The following PER2 variants were observed in gnomAD, a reference collection of about 807,000 sequenced individuals.
The protein encoded by PER2 is period circadian protein homolog 2.
In PER2, 66 loss-of-function variants were observed where a neutral mutation model predicts 121.0. That is an observed-to-expected ratio of 0.55 (90% CI 0.45 to 0.67). The LOEUF (loss-of-function observed/expected upper bound fraction) is 0.67, where lower values mean the gene tolerates loss of function less well. PER2 is among the 30% of genes least tolerant of loss of function. PER2 has a pLI of 0.00. For synonymous variants in PER2, 684 were observed against 659.9 expected (o/e 1.04, Z -0.56); for missense variants, 1,521 against 1,635.0 (o/e 0.93, Z 1.20).
At chr2:238,280,138 C>T (rs1696586446) in intron 1 of PER2, among the ~76,000 whole-genome samples, 1 of 152,184 alleles carries the variant, frequency 6.6e-6, no homozygotes, top group African/African-American at 2.4e-5. Context: ...GGGCTAGAAA[C>T]CAGCCAGCAA....
In PER2 at chr2:238,245,457, A is replaced by C; in HGVS notation, c.*918T>G. 1 of 397,786 alleles carries C rather than the reference A, an allele frequency of 2.5e-6. No homozygotes were observed. The highest frequency in any genetic ancestry group is 4.4e-6 in the Non-Finnish European group (1 of 225,754). The allele number at this position is 397,786 out of a possible 1,614,324, so 24.6% of individuals were successfully genotyped here. A position where few individuals can be genotyped will look rare whatever the true frequency, so the allele number is the denominator to read the frequency against. On this transcript the variant is annotated 3_prime_UTR_variant, in exon 23 of 23. Coordinates refer to ENST00000254657, the MANE Select transcript of PER2 (RefSeq NM_022817.3). ...TGGCTGCTCTCGGCCAGGAGATGTG[A>C]TGTGGGCTTGGCTGGGTGGAAGCAG...
chr2:238,253,456 A>G lies in PER2; in HGVS notation c.2567T>C (p.Leu856Pro), dbSNP rs772018052. The change falls in exon 19 of 23, where the codon CTG (leucine) becomes CCG (proline). Residue 856 changes from leucine (L) to proline (P), a missense_variant. Coordinates refer to ENST00000254657, the MANE Select transcript of PER2 (RefSeq NM_022817.3). The surrounding 1 kb of genome is among the most constrained non-coding windows in gnomAD (Gnocchi z 5.6). ...AGTCCCTGGCGCTGGAAACACGGGC[A>G]GTGAATAAGCTGCTGGCACTGGGGC... The part of the protein sequence containing the change: ...FPAPVPAAYS[L>P]PVFPAPGTVA... The G allele has an allele frequency of 1.2e-6, 2 of 1,612,918 alleles. No homozygotes were observed. Among genetic ancestry groups the G allele is most frequent in the Non-Finnish European group, 1.7e-6 (2 of 1,179,402 alleles).
intron 5 of PER2, among the ~76,000 whole-genome samples, chr2:238,272,439 T>C (rs1696318231): frequency 6.6e-6 from 1 of 152,352 alleles, no homozygotes; most frequent in Non-Finnish European, 1.5e-5. Context: ...ACCTGCTGGC[T>C]GGCCCTCTGG....
Position 238,268,319 on chromosome 2 carries a change from G to T in PER2, c.825-121C>A. The T allele has an allele frequency of 2.9e-6, 3 of 1,036,826 alleles. No individual in the cohort carries two copies. The highest frequency in any genetic ancestry group is 2.7e-5 in the South Asian group (2 of 74,396). 64.2% of individuals were successfully genotyped at this position (1,036,826 alleles called of 1,614,324 possible). On this transcript the variant is annotated intron_variant, in intron 7 of 22. Coordinates refer to ENST00000254657, the MANE Select transcript of PER2 (RefSeq NM_022817.3). The surrounding 1 kb of genome is among the most constrained non-coding windows in gnomAD (Gnocchi z 4.0). ...GGTGATGTGTACCTCTGCTCTGCCT[G>T]AGGAGCTGGGCCTGCCCCCTGCCCT...
chr2:238,261,600 G>C (rs1695935247), intron 12 of PER2, 129 bp downstream of exon 12: 2 of 708,844 alleles, frequency 2.8e-6, no homozygotes, highest in Non-Finnish European at 5.1e-6. Context: ...GTCCCCTGGG[G>C]GATGTTCAGA....
intron 5 of PER2, among the ~76,000 whole-genome samples, chr2:238,272,270 AC>A (rs1696313956): frequency 6.6e-6 from 1 of 152,142 alleles, no homozygotes; most frequent in Non-Finnish European, 1.5e-5. Context: ...TGGACATGGC[AC>A]CTGGTGTCCA....
At chr2:238,296,841 C>A in the PER2 span, among the ~76,000 whole-genome samples, 1 of 152,244 alleles carries the variant, frequency 6.6e-6, no homozygotes, top group South Asian at 2.1e-4. Flanking sequence ...CTGCAGCCAC[C>A]GTGGAAGAGC....
Position 238,268,141 on chromosome 2 carries a change from G to T in PER2, c.882C>A (p.Tyr294Ter). 1 of 1,614,122 alleles carries T rather than the reference G, an allele frequency of 6.2e-7. No homozygotes were observed. ...IRYHPFRMTP[Y>*]LVKVRDQQGA... Reference sequence around the variant, plus strand: ...CTTGTTGGTCCCGCACCTTGACCAGGTAGGGCGTCATGCGGAAGGGGTGGT... The same window carrying T: ...CTTGTTGGTCCCGCACCTTGACCAGTTAGGGCGTCATGCGGAAGGGGTGGT... The change falls in exon 8 of 23, where the codon TAC becomes TAA. Residue 294 changes from tyrosine (Y) to a stop codon, truncating the protein, a stop_gained. Coordinates refer to ENST00000254657, the MANE Select transcript of PER2 (RefSeq NM_022817.3). LOFTEE classifies it high-confidence loss of function. This position sits in a 1 kb window ranked among gnomAD's most constrained non-coding sequence, Gnocchi z 4.0.
chr2:238,253,184 G>A lies in PER2; in HGVS notation c.2839C>T (p.Pro947Ser), dbSNP rs1695657863. 3 of 1,594,584 alleles carry A rather than the reference G, an allele frequency of 1.9e-6. No individual in the cohort carries two copies. Among genetic ancestry groups the A allele is most frequent in the Non-Finnish European group, 2.6e-6 (3 of 1,167,482 alleles). The change falls in exon 19 of 23, where the codon CCT (proline) becomes TCT (serine). Residue 947 changes from proline to serine, a missense_variant. Transcript: ENST00000254657. This position sits in a 1 kb window ranked among gnomAD's most constrained non-coding sequence, Gnocchi z 5.6. ...LTSEMASASQ[P>S]EFPSRTSIPR... ...ATCGAGGTCCGGCTGGGGAACTCAG[G>A]CTGTGAGGCAGAGGCCATCTCGGAT...
chr2:238,260,259 A>T (rs967268283), intron 13 of PER2, among the ~76,000 whole-genome samples: 12 of 144,040 alleles, frequency 8.3e-5, no homozygotes, highest in African/African-American at 2.8e-4. Flanking sequence ...GGCACATTAC[A>T]TTTTTTTTTT....
chr2:238,277,661 AGAAAACAACCTG>A (rs765561177), intron 2 of PER2, 34 bp downstream of exon 2: 100 of 1,608,936 alleles, frequency 6.2e-5, no homozygotes, highest in Non-Finnish European at 7.6e-5. Flanking sequence ...TGAGCCACTG[AGAAAACAACCTG>A]CCCAGCCTCC....
At chr2:238,274,866 C>CA (rs1453402430) in intron 4 of PER2, among the ~76,000 whole-genome samples, 2 of 152,184 alleles carry the variant, frequency 1.3e-5, no homozygotes, top group African/African-American at 2.4e-5. Context: ...ACTTAGAGGA[C>CA]ACCCAAAGCC....
intron 1 of PER2, among the ~76,000 whole-genome samples, chr2:238,287,438 C>G (rs906625301): frequency 6.6e-6 from 1 of 152,216 alleles, no homozygotes; most frequent in Non-Finnish European, 1.5e-5. Flanking sequence ...GAGGGTGGGC[C>G]AAGAAGTCTA....
Position 238,268,970 on chromosome 2 carries a change from A to G in PER2, c.777T>C (p.Ser259=), listed in dbSNP as rs1428039839. The change falls in exon 7 of 23, where the codon TCT becomes TCC. Residue 259 remains serine, a synonymous_variant. Coordinates refer to ENST00000254657, the MANE Select transcript of PER2 (RefSeq NM_022817.3). The surrounding 1 kb of genome is among the most constrained non-coding windows in gnomAD (Gnocchi z 4.0). ...PLWSMCSGAD[S]FTQECMEEKS... ...TCTCCTCCATGCATTCTTGAGTAAA[A>G]GAATCTAAAAGAGAGAGCCCAAAGT... 6 of 1,610,484 alleles carry G rather than the reference A, an allele frequency of 3.7e-6. No homozygotes were observed. In the African/African-American group the frequency reaches 8.0e-5, roughly 22 times the overall value.
At chr2:238,287,343 C>G (rs368941616) in intron 1 of PER2, among the ~76,000 whole-genome samples, 10 of 152,356 alleles carry the variant, frequency 6.6e-5, no homozygotes, top group African/African-American at 2.4e-4. Context: ...TTTTAAAACT[C>G]AATTTCCAAA....
At chr2:238,293,997 C>G (rs932945192), upstream of PER2, among the ~76,000 whole-genome samples, 1 of 152,108 alleles carries the variant, frequency 6.6e-6, no homozygotes, top group East Asian at 1.9e-4. Flanking sequence ...TGAAGGAGCC[C>G]AAGGAGAGGT....
upstream of PER2, among the ~76,000 whole-genome samples, chr2:238,293,305 C>A (rs13390094): frequency 0.056 from 8,522 of 152,060 alleles, 830 homozygotes; most frequent in African/African-American, 0.19. Flanking sequence ...TTATACATAT[C>A]CTCTTTATTG....
At chr2:238,250,099 C>T (rs1369186932) in intron 21 of PER2, among the ~76,000 whole-genome samples, 1 of 152,256 alleles carries the variant, frequency 6.6e-6, no homozygotes, top group Non-Finnish European at 1.5e-5. Context: ...GATGTGGACA[C>T]AGAGCCCCGG....
At chr2:238,279,414 G>A (rs945000333) in intron 1 of PER2, among the ~76,000 whole-genome samples, 2 of 152,200 alleles carry the variant, frequency 1.3e-5, no homozygotes, top group African/African-American at 4.8e-5. Flanking sequence ...CTCACCCCAG[G>A]CCACACAGTA....
Sources: gnomAD v4.1 joint callset for allele counts (sites outside exome capture counted in the v4.1 genomes callset) on GRCh38, gnomAD v4.1.1 for gene constraint, Gnocchi (gnomAD v3.1) non-coding constraint, MANE v1.5 for transcripts, NCBI Gene and HGNC (gene_info 2026-07-23, HGNC 2026-07-21) for gene names.